NEK5: variants seen among roughly 807,000 people sequenced by gnomAD.
NEK5 encodes the protein NIMA related kinase 5, also known as serine/threonine-protein kinase Nek5.
A neutral mutation model predicts 109.2 loss-of-function variants in NEK5; 88 were observed. The observed-to-expected ratio is 0.81, with a 90% CI of 0.68 to 0.96. The LOEUF (loss-of-function observed/expected upper bound fraction) is 0.96, where lower values mean the gene tolerates loss of function less well. NEK5 is among the 40% of genes least tolerant of loss of function. NEK5 has a pLI of 0.00. For synonymous variants in NEK5, 283 were observed against 299.9 expected (o/e 0.94, Z 0.58); for missense variants, 834 against 920.7 (o/e 0.91, Z 1.22).
At chr13:52,103,889 T>A (rs146310889) in intron 9 of NEK5, among the ~76,000 whole-genome samples, 508 of 152,348 alleles carry the variant, frequency 3.3e-3, no homozygotes, top group Middle Eastern at 0.01. Context: ...TAAAAGCTTG[T>A]GCCTGGTTTC....
At chr13:52,038,331 C>G (rs1954383532) in intron 23 of NEK5, among the ~76,000 whole-genome samples, 1 of 151,460 alleles carries the variant, frequency 6.6e-6, no homozygotes, top group Non-Finnish European at 1.5e-5. Context: ...CAAAACAAAA[C>G]GGAACAAAAA....
At chr13:52,053,202 G>A (rs1440493785) in intron 22 of NEK5, among the ~76,000 whole-genome samples, 3 of 152,200 alleles carry the variant, frequency 2.0e-5, no homozygotes, top group Admixed American at 2.0e-4. Flanking sequence ...TCCAGAGGCT[G>A]AGGCAGGAGA....
chr13:52,064,352 TG>T (rs1239740963), intron 21 of NEK5, among the ~76,000 whole-genome samples: 1 of 86,290 alleles, frequency 1.2e-5, no homozygotes, highest in African/African-American at 4.5e-5. Context: ...AGGAGGGAGG[TG>T]GGGGGGTCAG....
chr13:52,061,782 T>C (rs1954616231), intron 22 of NEK5, 37 bp downstream of exon 22: 3 of 937,564 alleles, frequency 3.2e-6, no homozygotes, highest in Non-Finnish European at 3.8e-6. Context: ...AAAATTCCTC[T>C]GAGGACTGGT....
At chr13:52,079,949 G>T (rs1407283216) in intron 17 of NEK5, among the ~76,000 whole-genome samples, 2 of 151,098 alleles carry the variant, frequency 1.3e-5, no homozygotes, top group Non-Finnish European at 3.0e-5. Flanking sequence ...CTACCCGGCC[G>T]CGACCCTGTC....
At chr13:52,105,270 T>C (rs1037448482) in intron 8 of NEK5, among the ~76,000 whole-genome samples, 1 of 117,158 alleles carries the variant, frequency 8.5e-6, no homozygotes, top group Non-Finnish European at 2.1e-5. Flanking sequence ...TGTGTGTGTG[T>C]GTGTCAGAGA....
At chr13:52,097,436 G>C (rs1010617576) in intron 12 of NEK5, among the ~76,000 whole-genome samples, 1 of 152,244 alleles carries the variant, frequency 6.6e-6, no homozygotes, top group Non-Finnish European at 1.5e-5. Flanking sequence ...CCAAGGCCTT[G>C]AGAGCCCACT....
In NEK5 at chr13:52,089,329, T is replaced by A. The variant is rs780172755; in HGVS notation, c.1209-16A>T. Reference sequence around the variant, plus strand: ...CTCAGCAGGCCTTAGAAAATAAGAATGTTCAGCTTAAGTAGAAACTTGAAC... The same window carrying A: ...CTCAGCAGGCCTTAGAAAATAAGAAAGTTCAGCTTAAGTAGAAACTTGAAC... On this transcript the variant is annotated splice_polypyrimidine_tract_variant and intron_variant, in intron 13 of 23. Transcript: ENST00000684899. 6.4e-7 allele frequency: 1 copy of A among 1,560,968 alleles called. No homozygotes were observed. Among genetic ancestry groups the A allele is most frequent in the Non-Finnish European group, 8.8e-7 (1 of 1,135,234 alleles).
chr13:52,037,052 A>G lies in NEK5; in HGVS notation c.2395T>C (p.Leu799=), dbSNP rs572311445. The G allele has an allele frequency of 9.1e-6, 9 of 985,350 alleles. No individual in the cohort carries two copies. The African/African-American group carries it at 1.4e-4, about 15-fold the overall frequency. The allele number at this position is 985,350 out of a possible 1,614,324, so 61.0% of individuals were successfully genotyped here. Residue 799 remains leucine (L), a synonymous_variant, in exon 24 of 24, where the codon TTA becomes CTA. Transcript: ENST00000684899. ...EGISMQKSEE[L]REGLENISTT... is the part of the protein sequence containing the mutation. Reference sequence around the variant, plus strand: ...GAAATATTCTCCAAGCCCTCCCTTAATTCTTCAGATTTCTGCATACTTATC... The same window carrying G: ...GAAATATTCTCCAAGCCCTCCCTTAGTTCTTCAGATTTCTGCATACTTATC...
intron 17 of NEK5, among the ~76,000 whole-genome samples, chr13:52,079,593 C>A (rs1347258036): frequency 7.2e-5 from 11 of 151,994 alleles, no homozygotes; most frequent in African/African-American, 2.7e-4. Context: ...GAGTCTGGTT[C>A]ACTCAGTGCT....
chr13:52,056,684 C>T (rs1324761131), intron 22 of NEK5, among the ~76,000 whole-genome samples: 2 of 151,368 alleles, frequency 1.3e-5, no homozygotes. Context: ...GAACAACCTG[C>T]TCCTGAATGA....
intron 14 of NEK5, 41 bp downstream of exon 14, chr13:52,089,206 G>A (rs1955223083): frequency 8.0e-7 from 1 of 1,251,704 alleles, no homozygotes; most frequent in African/African-American, 1.5e-5. Context: ...AAAACTATTA[G>A]GAAATTCCTA....
chr13:52,041,728 CAAAAAAA>C (rs60216367), intron 23 of NEK5, among the ~76,000 whole-genome samples: 13 of 48,120 alleles, frequency 2.7e-4, no homozygotes, highest in East Asian at 7.0e-4. Context: ...AACTCTGTCT[CAAAAAAA>C]AAAAAAAAAA....
At chr13:52,103,394 G>A (rs534550812) in intron 9 of NEK5, among the ~76,000 whole-genome samples, 5 of 152,300 alleles carry the variant, frequency 3.3e-5, no homozygotes, top group South Asian at 2.1e-4. Context: ...TCGTGCCACC[G>A]CACTCCAGTC....
chr13:52,063,523 C>T (rs1400607521), intron 21 of NEK5, among the ~76,000 whole-genome samples: 6 of 151,940 alleles, frequency 3.9e-5, no homozygotes, highest in Non-Finnish European at 8.8e-5. Context: ...AGCGTCTCTG[C>T]CCGGCCGCCC....
intron 23 of NEK5, among the ~76,000 whole-genome samples, chr13:52,047,441 T>C (rs1163818111): frequency 6.6e-5 from 10 of 152,164 alleles, no homozygotes; most frequent in African/African-American, 2.2e-4. Flanking sequence ...TGGTTGACTG[T>C]AGGGAGGAGG....
chr13:52,061,923 G>A lies in NEK5; in HGVS notation c.2006C>T (p.Pro669Leu). The change falls in exon 22 of 24, where the codon CCA (proline) becomes CTA (leucine). Residue 669 changes from proline (P) to leucine (L), a missense_variant. Pro to Leu is a moderately conservative substitution (Grantham distance 98, BLOSUM62 -3). Transcript: ENST00000684899. The part of the protein sequence containing the change: ...NGQVIVIEGI[P>L]GNRKQWRHEA... The stretch of plus-strand genomic sequence containing the variant: ...ATGCCGCCACTGTTTCCTGTTTCCT[G>A]GAATGCCTTCAATCACAATAACTTG... 3.3e-6 allele frequency: 3 copies of A among 918,908 alleles called. No homozygotes were observed. The highest frequency in any genetic ancestry group is 3.9e-6 in the Non-Finnish European group (3 of 768,976). 56.9% of individuals were successfully genotyped at this position (918,908 alleles called of 1,614,324 possible). A position where few individuals can be genotyped will look rare whatever the true frequency, so the allele number is the denominator to read the frequency against.
At chr13:52,108,666 CATG>C (rs1349800590) in intron 7 of NEK5, among the ~76,000 whole-genome samples, 1 of 152,108 alleles carries the variant, frequency 6.6e-6, no homozygotes, top group African/African-American at 2.4e-5. Flanking sequence ...ATGAAATTGT[CATG>C]TTATAAAAAT....
intron 17 of NEK5, among the ~76,000 whole-genome samples, chr13:52,078,881 C>T (rs940108429): frequency 9.9e-5 from 15 of 152,174 alleles, no homozygotes; most frequent in African/African-American, 3.6e-4. Flanking sequence ...ACTTATTGTA[C>T]AATTGAGATG....
Sources: allele counts gnomAD v4.1 joint callset (sites outside exome capture counted in the v4.1 genomes callset), GRCh38; gene constraint gnomAD v4.1.1; transcripts MANE v1.5; gene names NCBI Gene and HGNC (gene_info 2026-07-23, HGNC 2026-07-21).